ADGRB2: variants seen among roughly 807,000 people sequenced by gnomAD.
The protein encoded by ADGRB2 is adhesion G protein-coupled receptor B2.
In ADGRB2, 47 loss-of-function variants were observed where a neutral mutation model predicts 178.7. That is an observed-to-expected ratio of 0.26 (90% confidence interval 0.21 to 0.34). ADGRB2 has a LOEUF of 0.34. Among genes scored for constraint, ADGRB2 ranks in the 10% least tolerant of loss-of-function variants. The pLI is 1.00. For synonymous variants in ADGRB2, 870 were observed against 912.4 expected (o/e 0.95, Z 0.84); for missense variants, 1,584 against 2,180.8 (o/e 0.73, Z 5.45).
chr1:31,739,230 C>T, intron 15 of ADGRB2, 78 bp downstream of exon 15: 1 of 1,359,364 alleles, frequency 7.4e-7, no homozygotes, highest in Non-Finnish European at 9.8e-7. Context: ...CTGCAGCCAG[C>T]ACTGGCTCAG....
At position 31,755,656 on chromosome 1, in the gene ADGRB2, A is replaced by T. The variant is rs1557788930; in HGVS notation, c.838+343T>A. Among the ~76,000 whole-genome samples the T allele has an allele frequency of 2.6e-5, 4 of 151,606 alleles. No homozygotes were observed. Among genetic ancestry groups the T allele is most frequent in the African/African-American group, 2.4e-5 (1 of 41,220 alleles). On this transcript the variant is annotated intron_variant, in intron 4 of 32. Coordinates refer to ENST00000373658, the MANE Select transcript of ADGRB2 (RefSeq NM_001364857.2). This position sits in a 1 kb window ranked among gnomAD's most constrained non-coding sequence, Gnocchi z 5.1. ...TGTGCACCCTTCTTGCTCTGCCTAG[A>T]ATGCCCTCATCTCACTTCTGCTTGT...
intron 4 of ADGRB2, among the ~76,000 whole-genome samples, chr1:31,747,028 G>T (rs1381495417): frequency 6.6e-6 from 1 of 152,166 alleles, no homozygotes; most frequent in African/African-American, 2.4e-5. Flanking sequence ...TCTGGCTTCT[G>T]CCCACATCTC....
chr1:31,750,914 A>C lies in ADGRB2; in HGVS notation c.838+5085T>G, dbSNP rs576048774. 2.0e-5 allele frequency among the ~76,000 whole-genome samples: 3 copies of C among 151,368 alleles called. No individual in the cohort carries two copies. The East Asian group carries it at 5.9e-4, about 30-fold the overall frequency. ...ATAATTCTTCCTCCCCAGGCTGCTGACCTATCTACTCAGCCTCCCACCACA... is the reference window on the plus strand; with the variant it reads ...ATAATTCTTCCTCCCCAGGCTGCTGCCCTATCTACTCAGCCTCCCACCACA... On this transcript the variant is annotated intron_variant, in intron 4 of 32. Coordinates refer to ENST00000373658, the MANE Select transcript of ADGRB2 (RefSeq NM_001364857.2).
intron 1 of ADGRB2, among the ~76,000 whole-genome samples, chr1:31,763,645 GGA>G (rs1255733234): frequency 2.0e-5 from 3 of 151,534 alleles, no homozygotes; most frequent in African/African-American, 7.3e-5. Context: ...CCAGGCTGGG[GGA>G]GGGGGGGGGC....
At position 31,730,887 on chromosome 1, in the gene ADGRB2, G is replaced by A. The variant is rs764552392; in HGVS notation, c.4293C>T (p.Ser1431=). ...MTFQPPPPTP[S]ARQVPEPGER... Reference sequence around the variant, plus strand: ...CCCCTGGCTCGGGCACTTGGCGGGCGCTGGGTGTCGGCGGTGGCGGTTGGA... The same window carrying A: ...CCCCTGGCTCGGGCACTTGGCGGGCACTGGGTGTCGGCGGTGGCGGTTGGA... Residue 1431 remains serine (S), a synonymous_variant, in exon 29 of 33, where the codon AGC becomes AGT. Transcript: ENST00000373658. 19 of 1,574,446 alleles carry A rather than the reference G, an allele frequency of 1.2e-5. No individual in the cohort carries two copies. The highest frequency in any genetic ancestry group is 2.2e-5 in the East Asian group (1 of 44,530).
rs1438555857 is a variant in ADGRB2, at chr1:31,761,540, G to C, written c.-191+2344C>G. 6.6e-6 allele frequency among the ~76,000 whole-genome samples: 1 copy of C among 152,148 alleles called. No individual in the cohort carries two copies. The highest frequency in any genetic ancestry group is 2.4e-5 in the African/African-American group (1 of 41,426). The stretch of plus-strand genomic sequence containing the variant: ...TCTGCAGCCTCTACACTTGAACCAA[G>C]ACCCCAGAGACCATGGCCTGGCTTT... On this transcript the variant is annotated intron_variant, in intron 1 of 32. Transcript: ENST00000373658. This position sits in a 1 kb window ranked among gnomAD's most constrained non-coding sequence, Gnocchi z 4.2.
Position 31,738,462 on chromosome 1 carries a change from C to A in ADGRB2, c.2645+125G>T. ...GGCAACAGCAGGGAGTCCCAGGATA[C>A]GTTCTTGACCCCTTAGGCTAGGATG... On this transcript the variant is annotated intron_variant, in intron 17 of 32. Transcript: ENST00000373658. 4 of 1,522,690 alleles carry A rather than the reference C, an allele frequency of 2.6e-6. No homozygotes were observed. The South Asian group carries it at 4.8e-5, about 18-fold the overall frequency. The allele number at this position is 1,522,690 out of a possible 1,614,324, so 94.3% of individuals were successfully genotyped here.
rs943217435 is a variant in ADGRB2, at chr1:31,727,765, G to C, written c.4573-160C>G. 1.1e-6 allele frequency: 1 copy of C among 927,340 alleles called. No homozygotes were observed. Among genetic ancestry groups the C allele is most frequent in the African/African-American group, 1.7e-5 (1 of 59,748 alleles). 57.4% of individuals were successfully genotyped at this position (927,340 alleles called of 1,614,324 possible). On this transcript the variant is annotated intron_variant, in intron 32 of 32. Coordinates refer to ENST00000373658, the MANE Select transcript of ADGRB2 (RefSeq NM_001364857.2). This position sits in a 1 kb window ranked among gnomAD's most constrained non-coding sequence, Gnocchi z 4.4. ...AAATACAGACCTGCCTGGTTCCAGG[G>C]TGGGGCTCCTGACCCCTGTTCTCAG...
Position 31,759,248 on chromosome 1 carries a change from C to T in ADGRB2, c.-190-1737G>A. ...ACACACACTCAGGAGTTAACACGCA[C>T]ACACAGGGGTGTAGAGGCTTACACT... On this transcript the variant is annotated intron_variant, in intron 1 of 32. Coordinates refer to ENST00000373658, the MANE Select transcript of ADGRB2 (RefSeq NM_001364857.2). This position sits in a 1 kb window ranked among gnomAD's most constrained non-coding sequence, Gnocchi z 4.3. 1 of 773,360 alleles carries T rather than the reference C, an allele frequency of 1.3e-6. No individual in the cohort carries two copies. The highest frequency in any genetic ancestry group is 1.3e-5 in the South Asian group (1 of 74,210). 47.9% of individuals were successfully genotyped at this position (773,360 alleles called of 1,614,324 possible).
At chr1:31,745,938 C>A (rs1569961289) in intron 4 of ADGRB2, among the ~76,000 whole-genome samples, 1 of 152,276 alleles carries the variant, frequency 6.6e-6, no homozygotes, top group East Asian at 1.9e-4. Context: ...GTCTCATCCA[C>A]TCTGGGGCCT....
Position 31,756,486 on chromosome 1 carries a change from C to T in ADGRB2, c.351G>A (p.Ala117=), listed in dbSNP as rs148754480. Residue 117 remains alanine, a synonymous_variant, in exon 4 of 33, where the codon GCG becomes GCA. Transcript: ENST00000373658. This position sits in a 1 kb window ranked among gnomAD's most constrained non-coding sequence, Gnocchi z 8.5. ...CCACCTCTGACTCCGCCTGGGCCAC[C>T]GCCTCCTCGGGGCTAGGCCGCAGGC... The part of the protein sequence containing the change: ...FTCLRPSPEE[A]VAQAESEVGR... The T allele has an allele frequency of 1.7e-4, 269 of 1,611,906 alleles. 4 individuals are homozygous for T. In the East Asian group the frequency reaches 5.6e-3, roughly 34 times the overall value.
intron 25 of ADGRB2, among the ~76,000 whole-genome samples, chr1:31,734,264 A>T (rs143526334): frequency 1.5e-3 from 227 of 152,374 alleles, no homozygotes; most frequent in Non-Finnish European, 2.8e-3. Context: ...TCAAATCATG[A>T]TCAAAACAAC....
At chr1:31,734,117 G>T (rs1645442494) in intron 25 of ADGRB2, among the ~76,000 whole-genome samples, 1 of 152,176 alleles carries the variant, frequency 6.6e-6, no homozygotes, top group African/African-American at 2.4e-5. Context: ...CCTGGCAGGG[G>T]GCAGGCACAA....
Position 31,742,958 on chromosome 1 carries a change from G to A in ADGRB2, c.1132C>T (p.Arg378Cys). 1 of 1,536,214 alleles carries A rather than the reference G, an allele frequency of 6.5e-7. No homozygotes were observed. The highest frequency in any genetic ancestry group is 8.8e-7 in the Non-Finnish European group (1 of 1,141,250). ...EEWGSWSLCSRSCGRGSRSRM... is the reference protein window; with the variant it reads ...EEWGSWSLCSCSCGRGSRSRM... ...CTCCGGGACCCCCGCCCGCAGCTGC[G>A]GGAGCACAGGCTCCAGGACCCCCAC... The change falls in exon 7 of 33, where the codon CGC (arginine) becomes TGC (cysteine). Residue 378 changes from arginine (R) to cysteine (C), a missense_variant. Transcript: ENST00000373658.
chr1:31,728,803 A>AACACACACAC lies in ADGRB2; in HGVS notation c.4381-180_4381-171dup, dbSNP rs71006321. 0.021 allele frequency among the ~76,000 whole-genome samples: 2,460 copies of AACACACACAC among 115,484 alleles called. 65 individuals carry two copies. The highest frequency in any genetic ancestry group is 0.043 in the African/African-American group (1,380 of 32,178). The allele number at this position is 115,484 out of a possible 152,430, so 75.8% of individuals were successfully genotyped here. A position where few individuals can be genotyped will look rare whatever the true frequency, so the allele number is the denominator to read the frequency against. ...TGGGGCAGCTTTTCAGGCCTCACTG[A>AACACACACAC]ACACACACACACACACACACACACA... On this transcript the variant is annotated intron_variant, in intron 29 of 32. Coordinates refer to ENST00000373658, the MANE Select transcript of ADGRB2 (RefSeq NM_001364857.2). The surrounding 1 kb of genome is among the most constrained non-coding windows in gnomAD (Gnocchi z 6.7).
Position 31,728,012 on chromosome 1 carries a change from CG to C in ADGRB2, c.4572+12del. 2 of 1,550,854 alleles carry C rather than the reference CG, an allele frequency of 1.3e-6. No individual in the cohort carries two copies. ...CAGGCCCACCTCACCCCACCCAGCC[CG>C]GGGGGACTCACGGTGCACACGCTCC... On this transcript the variant is annotated intron_variant, in intron 32 of 32. Coordinates refer to ENST00000373658, the MANE Select transcript of ADGRB2 (RefSeq NM_001364857.2). This position sits in a 1 kb window ranked among gnomAD's most constrained non-coding sequence, Gnocchi z 6.7.
At chr1:31,752,935 G>A (rs946327246) in intron 4 of ADGRB2, among the ~76,000 whole-genome samples, 1 of 152,192 alleles carries the variant, frequency 6.6e-6, no homozygotes, top group African/African-American at 2.4e-5. Flanking sequence ...TGATGATGGG[G>A]AGGGTGAGCC....
intron 4 of ADGRB2, among the ~76,000 whole-genome samples, chr1:31,746,083 A>G (rs1317041482): frequency 6.6e-6 from 1 of 152,086 alleles, no homozygotes; most frequent in Non-Finnish European, 1.5e-5. Context: ...GTGGACATTG[A>G]CCAGCTGTGT....
At chr1:31,738,708 A>C in intron 16 of ADGRB2, 78 bp from the exon 17 acceptor site, 1 of 1,594,080 alleles carries the variant, frequency 6.3e-7, no homozygotes, top group East Asian at 2.2e-5. Flanking sequence ...CATGGGGGCC[A>C]CAGCAGCTCC....
Sources: allele counts gnomAD v4.1 joint callset (sites outside exome capture counted in the v4.1 genomes callset), GRCh38; gene constraint gnomAD v4.1.1; non-coding constraint Gnocchi (gnomAD v3.1); transcripts MANE v1.5; gene names NCBI Gene and HGNC (gene_info 2026-07-23, HGNC 2026-07-21).